Variants in ESRRG observed in about 807,000 individuals in gnomAD.
The protein encoded by ESRRG is estrogen related receptor gamma, also known as estrogen-related receptor gamma.
Under a neutral mutation model 44.0 loss-of-function variants are expected in ESRRG, and 13 were observed. The observed-to-expected ratio is 0.30, with a 90% CI of 0.19 to 0.47. ESRRG has a LOEUF of 0.47. ESRRG is among the 20% of genes least tolerant of loss of function. The pLI is 1.00. For synonymous variants in ESRRG, 215 were observed against 214.6 expected, an observed-to-expected ratio of 1.00 and a Z score of -0.02; for missense variants, 395 against 580.6, an observed-to-expected ratio of 0.68 and a Z score of 3.29.
chr1:216,792,540 T>C (rs2148116418), intron 2 of ESRRG, among the ~76,000 whole-genome samples: 1 of 152,316 alleles, frequency 6.6e-6, no homozygotes, highest in South Asian at 2.1e-4. Context: ...TGTTTACATA[T>C]TAAAAGTAAA....
At chr1:216,552,305 G>A (rs1486636202) in intron 5 of ESRRG, among the ~76,000 whole-genome samples, 1 of 151,994 alleles carries the variant, frequency 6.6e-6, no homozygotes, top group Non-Finnish European at 1.5e-5. Flanking sequence ...ACTCTTTTCT[G>A]AAAAACTGTT....
At chr1:216,814,014 G>A (rs2095056619) in intron 2 of ESRRG, among the ~76,000 whole-genome samples, 1 of 152,056 alleles carries the variant, frequency 6.6e-6, no homozygotes, top group Non-Finnish European at 1.5e-5. Flanking sequence ...CCTGCCTGCA[G>A]CACCACTAAT....
At chr1:216,770,245 A>G (rs372270787) in intron 2 of ESRRG, among the ~76,000 whole-genome samples, 2 of 152,196 alleles carry the variant, frequency 1.3e-5, no homozygotes, top group African/African-American at 4.8e-5. Flanking sequence ...AGAGGGGAAA[A>G]AAATAGGACT....
At chr1:216,586,021 C>CAG (rs10701238) in intron 3 of ESRRG, among the ~76,000 whole-genome samples, 55,412 of 151,658 alleles carry the variant, frequency 0.37, 10,201 homozygotes, top group East Asian at 0.48. Context: ...GTGTGGAAGA[C>CAG]AGAGGGATAC....
chr1:216,815,448 A>G (rs1399389110), intron 2 of ESRRG, among the ~76,000 whole-genome samples: 2 of 152,170 alleles, frequency 1.3e-5, no homozygotes, highest in African/African-American at 4.8e-5. Context: ...TTGGTTTGGC[A>G]TTATCTGGAA....
chr1:216,999,544 C>G (rs1174859075), intron 1 of ESRRG, among the ~76,000 whole-genome samples: 1 of 152,116 alleles, frequency 6.6e-6, no homozygotes, highest in Non-Finnish European at 1.5e-5. Context: ...CATCCCAGGT[C>G]TATCGGACTC....
At chr1:216,854,353 C>CA (rs57421256) in intron 2 of ESRRG, among the ~76,000 whole-genome samples, 813 of 67,092 alleles carry the variant, frequency 0.012, 12 homozygotes, top group East Asian at 0.019. Context: ...AAGACACCAT[C>CA]AAAAAAAAAA....
chr1:216,679,026 G>C (rs1018760589), intron 1 of ESRRG, among the ~76,000 whole-genome samples: 4 of 152,168 alleles, frequency 2.6e-5, no homozygotes, highest in African/African-American at 9.7e-5. Context: ...GGAGCAAAGC[G>C]TTGAGGCAAG....
intron 1 of ESRRG, among the ~76,000 whole-genome samples, chr1:216,980,889 G>C (rs756098573): frequency 1.4e-5 from 2 of 144,402 alleles, no homozygotes; most frequent in Admixed American, 6.8e-5. Context: ...CAGGTCAGGC[G>C]GTCTCCTGCC....
intron 2 of ESRRG, among the ~76,000 whole-genome samples, chr1:216,889,113 C>T (rs1054390279): frequency 9.9e-5 from 15 of 152,106 alleles, no homozygotes; most frequent in African/African-American, 3.4e-4. Context: ...CACCCTGAGC[C>T]GTTGTAGTGT....
intron 2 of ESRRG, among the ~76,000 whole-genome samples, chr1:216,740,275 G>T (rs1305614368): frequency 6.6e-6 from 1 of 152,170 alleles, no homozygotes; most frequent in African/African-American, 2.4e-5. Flanking sequence ...AGTCTGGGCA[G>T]TTCATGCAGC....
intron 3 of ESRRG, among the ~76,000 whole-genome samples, chr1:216,570,397 T>C (rs1480623357): frequency 6.6e-6 from 1 of 152,204 alleles, no homozygotes. Context: ...TTATCTAATT[T>C]CTAATGTTCT....
chr1:216,577,881 C>G (rs2061987261), intron 3 of ESRRG, among the ~76,000 whole-genome samples: 4 of 151,910 alleles, frequency 2.6e-5, no homozygotes, highest in Admixed American at 6.6e-5. Context: ...CTTGGAAGAG[C>G]CTATGAAGCT....
chr1:217,059,080 A>G (rs2087794399), intron 1 of ESRRG, among the ~76,000 whole-genome samples: 1 of 149,312 alleles, frequency 6.7e-6, no homozygotes, highest in Non-Finnish European at 1.5e-5. Context: ...TATACTATAT[A>G]TCCACAGGGA....
At chr1:216,986,193 A>G (rs1211491578) in intron 1 of ESRRG, among the ~76,000 whole-genome samples, 1 of 152,202 alleles carries the variant, frequency 6.6e-6, no homozygotes, top group Non-Finnish European at 1.5e-5. Context: ...GCAAAGGAAC[A>G]GCTGAGTTGT....
chr1:216,737,262 C>T (rs955560571), intron 2 of ESRRG, among the ~76,000 whole-genome samples: 1 of 152,142 alleles, frequency 6.6e-6, no homozygotes, highest in Non-Finnish European at 1.5e-5. Context: ...ACCAGAAGAG[C>T]TGCAGACAGT....
At chr1:217,074,663 C>T (rs534909246) in intron 1 of ESRRG, among the ~76,000 whole-genome samples, 11 of 152,124 alleles carry the variant, frequency 7.2e-5, no homozygotes, top group Admixed American at 2.0e-4. Flanking sequence ...CAAAGCAAGA[C>T]GCCATGTCTA....
intron 2 of ESRRG, among the ~76,000 whole-genome samples, chr1:216,795,101 A>G (rs2148170292): frequency 6.6e-6 from 1 of 152,280 alleles, no homozygotes; most frequent in South Asian, 2.1e-4. Context: ...CCAGAAAACA[A>G]GCTTTGATTC....
At chr1:217,009,757 G>C (rs2078276265) in intron 1 of ESRRG, among the ~76,000 whole-genome samples, 1 of 141,512 alleles carries the variant, frequency 7.1e-6, no homozygotes, top group Non-Finnish European at 1.5e-5. Context: ...CCAGGCTGGA[G>C]TGCAGTGGCA....
Sources: gnomAD v4.1 joint callset for allele counts (sites outside exome capture counted in the v4.1 genomes callset) on GRCh38, gnomAD v4.1.1 for gene constraint, MANE v1.5 for transcripts, NCBI Gene and HGNC (gene_info 2026-07-23, HGNC 2026-07-21) for gene names.